Variants in PCDHA1 observed in about 807,000 individuals in gnomAD.
PCDHA1 encodes the protein protocadherin alpha 1, also known as protocadherin alpha-1.
PCDHA1 carries 42 observed loss-of-function variants against 61.3 expected under a neutral mutation model. The observed-to-expected ratio is 0.69, with a 90% CI of 0.54 to 0.89. The LOEUF is 0.89. Among genes scored for constraint, PCDHA1 ranks in the 40% least tolerant of loss-of-function variants. The pLI is 0.00. For missense variants in PCDHA1, 1,256 were observed against 1,235.3 expected (o/e 1.02, Z -0.25); for synonymous variants, 610 against 553.8 (o/e 1.10, Z -1.43).
intron 1 of PCDHA1, among the ~76,000 whole-genome samples, chr5:140,904,681 A>G (rs1562946233): frequency 6.6e-6 from 1 of 152,192 alleles, no homozygotes; most frequent in South Asian, 2.1e-4. Context: ...CATTCCCACC[A>G]GCAGTGTAAA....
chr5:140,828,895 T>C (rs1770010925), intron 1 of PCDHA1: 1 of 1,614,106 alleles, frequency 6.2e-7, no homozygotes, highest in African/African-American at 1.3e-5. Flanking sequence ...ATGCTTCTGA[T>C]CGGGATGAAG....
Position 140,841,880 on chromosome 5 carries a change from G to A in PCDHA1, c.2394+53196G>A. 2.2e-5 allele frequency: 36 copies of A among 1,613,826 alleles called. 2 individuals are homozygous for A. Among genetic ancestry groups the A allele is most frequent in the Non-Finnish European group, 3.1e-5 (36 of 1,179,824 alleles). ...CATGCTAGATGTGAATTCAAAGAAC[G>A]ATGAGAATAAACTGGTTGAGCTCGT... On this transcript the variant is annotated intron_variant, in intron 1 of 3. Coordinates refer to ENST00000504120, the MANE Select transcript of PCDHA1 (RefSeq NM_018900.4).
intron 1 of PCDHA1, chr5:140,827,914 G>T: frequency 4.6e-6 from 4 of 864,114 alleles, no homozygotes; most frequent in Non-Finnish European, 5.4e-6. Flanking sequence ...GCATGATGTC[G>T]CTGTCTACCA....
chr5:140,791,859 A>G (rs1761679952), intron 1 of PCDHA1, among the ~76,000 whole-genome samples: 1 of 152,030 alleles, frequency 6.6e-6, no homozygotes, highest in Non-Finnish European at 1.5e-5. Flanking sequence ...GTGAAAGACT[A>G]GGTTGAAGGT....
chr5:140,871,160 C>A, intron 1 of PCDHA1: 1 of 1,613,470 alleles, frequency 6.2e-7, no homozygotes, highest in Non-Finnish European at 8.5e-7. Context: ...GCGGGCGCCG[C>A]GAGCCCAGAG....
intron 1 of PCDHA1, among the ~76,000 whole-genome samples, chr5:140,798,113 C>G (rs1282762956): frequency 2.0e-5 from 3 of 152,098 alleles, no homozygotes; most frequent in Non-Finnish European, 4.4e-5. Flanking sequence ...CTCAAGTGAT[C>G]CACCCTCCTA....
At chr5:140,895,389 C>T (rs553681530) in intron 1 of PCDHA1, among the ~76,000 whole-genome samples, 1 of 152,098 alleles carries the variant, frequency 6.6e-6, no homozygotes, top group South Asian at 2.1e-4. Context: ...CTTCAATTCT[C>T]AACACCATCA....
At chr5:140,857,915 G>C in intron 1 of PCDHA1, 4 of 1,597,912 alleles carry the variant, frequency 2.5e-6, no homozygotes, top group Non-Finnish European at 3.4e-6. Context: ...CCCGTTTCGC[G>C]TGGGGCTGTA....
chr5:140,803,082 G>C, intron 1 of PCDHA1: 1 of 1,613,954 alleles, frequency 6.2e-7, no homozygotes, highest in African/African-American at 1.3e-5. Context: ...GCTGTACACG[G>C]GAGAGATCAG....
chr5:140,827,997 A>G (rs1769481948), intron 1 of PCDHA1: 1 of 1,482,378 alleles, frequency 6.7e-7, no homozygotes, highest in Admixed American at 2.3e-5. Flanking sequence ...ATGATGGCGG[A>G]CGCAGAAGAA....
chr5:140,877,262 T>C (rs1554169532), intron 1 of PCDHA1: 2 of 1,613,670 alleles, frequency 1.2e-6, no homozygotes, highest in South Asian at 2.2e-5. Flanking sequence ...GTGCGCGCGG[T>C]GGACGCTGAC....
At chr5:140,980,842 T>C (rs376646751) in intron 2 of PCDHA1, among the ~76,000 whole-genome samples, 2 of 152,328 alleles carry the variant, frequency 1.3e-5, no homozygotes, top group Non-Finnish European at 2.9e-5. Flanking sequence ...ACCTAAATAA[T>C]ACTAATCTTT....
intron 1 of PCDHA1, chr5:140,829,644 A>T (rs1770465751): frequency 6.2e-7 from 1 of 1,612,124 alleles, no homozygotes; most frequent in South Asian, 1.1e-5. Flanking sequence ...GGCAAGGTGT[A>T]CGCGCTGCAG....
At position 140,788,050 on chromosome 5, in the gene PCDHA1, C is replaced by T; in HGVS notation, c.1760C>T (p.Ala587Val). 1.2e-6 allele frequency: 2 copies of T among 1,613,974 alleles called. No individual in the cohort carries two copies. The highest frequency in any genetic ancestry group is 1.7e-6 in the Non-Finnish European group (2 of 1,179,904). Residue 587 changes from alanine to valine, a missense_variant, in exon 1 of 4, where the codon GCG (alanine) becomes GTG (valine). Ala to Val is a moderately conservative substitution (Grantham distance 64). Transcript: ENST00000504120. ...GAGCTGGTGCCGCGATTGGTGGGTG[C>T]GGGTCATGTGGTGGCGAAGGTGCGC... ...VSELVPRLVG[A>V]GHVVAKVRAV... is the part of the protein sequence containing the mutation.
At chr5:140,828,529 G>A in intron 1 of PCDHA1, 1 of 1,614,222 alleles carries the variant, frequency 6.2e-7, no homozygotes, top group Non-Finnish European at 8.5e-7. Flanking sequence ...ACGAATCTAG[G>A]CTGCCAGATT....
chr5:141,004,880 G>A (rs940142127), intron 3 of PCDHA1, among the ~76,000 whole-genome samples: 2 of 152,172 alleles, frequency 1.3e-5, no homozygotes, highest in Admixed American at 6.5e-5. Context: ...TCCCTAAAGT[G>A]CTATTGTGTC....
chr5:140,832,775 G>A (rs1250232820), intron 1 of PCDHA1, among the ~76,000 whole-genome samples: 1 of 152,166 alleles, frequency 6.6e-6, no homozygotes, highest in Non-Finnish European at 1.5e-5. Flanking sequence ...TGTAAGAGGT[G>A]CTAGAAAGGT....
chr5:140,854,158 T>C, intron 1 of PCDHA1: 3 of 123,422 alleles, frequency 2.4e-5, no homozygotes, highest in Non-Finnish European at 3.1e-5. Flanking sequence ...AGATTCTGTC[T>C]CAAAAAAAAA....
At chr5:140,831,200 C>T (rs1157028423) in intron 1 of PCDHA1, 2 of 152,180 alleles carry the variant, frequency 1.3e-5, no homozygotes, top group African/African-American at 4.8e-5. Context: ...ACCTTGTGAT[C>T]AAGTAAATTT....
Sources: gnomAD v4.1 joint callset for allele counts (sites outside exome capture counted in the v4.1 genomes callset) on GRCh38, gnomAD v4.1.1 for gene constraint, MANE v1.5 for transcripts, NCBI Gene and HGNC (gene_info 2026-07-23, HGNC 2026-07-21) for gene names.